The following ARHGAP42 variants were observed in gnomAD, a reference collection of about 807,000 sequenced individuals.
ARHGAP42 encodes the protein rho GTPase-activating protein 42.
In ARHGAP42, 63 loss-of-function variants were observed where a neutral mutation model predicts 125.0. That is an observed-to-expected ratio of 0.50 (90% CI 0.41 to 0.62). The LOEUF (loss-of-function observed/expected upper bound fraction) is 0.62. ARHGAP42 is among the 20% of genes least tolerant of loss of function. ARHGAP42 has a pLI of 0.00. For missense variants in ARHGAP42, 766 were observed against 1,024.2 expected, an observed-to-expected ratio of 0.75 and a Z score of 3.44; for synonymous variants, 339 against 351.0, an observed-to-expected ratio of 0.97 and a Z score of 0.38.
chr11:100,827,117 C>T (rs1439093292), intron 3 of ARHGAP42, among the ~76,000 whole-genome samples: 3 of 149,828 alleles, frequency 2.0e-5, no homozygotes, highest in Non-Finnish European at 3.0e-5. Flanking sequence ...GATTCTTCTG[C>T]CTCGGCCTCC....
intron 1 of ARHGAP42, among the ~76,000 whole-genome samples, chr11:100,728,710 TTGCGTATATATATATATA>T (rs1861902789): frequency 1.1e-5 from 1 of 88,626 alleles, no homozygotes. Context: ...ATGAATGACT[TTGCGTATATATATATATA>T]TATATATATA....
At chr11:100,890,279 A>T (rs547132053) in intron 4 of ARHGAP42, among the ~76,000 whole-genome samples, 28 of 152,282 alleles carry the variant, frequency 1.8e-4, no homozygotes, top group African/African-American at 6.0e-4. Context: ...TGACTCCCTC[A>T]AACTGTTCCA....
At chr11:100,965,024 A>G (rs1858054297) in intron 16 of ARHGAP42, among the ~76,000 whole-genome samples, 1 of 152,136 alleles carries the variant, frequency 6.6e-6, no homozygotes, top group South Asian at 2.1e-4. Context: ...CGGGAAACTT[A>G]CAATCATGGT....
At chr11:100,759,338 G>T (rs965621994) in intron 1 of ARHGAP42, among the ~76,000 whole-genome samples, 1 of 152,078 alleles carries the variant, frequency 6.6e-6, no homozygotes, top group East Asian at 1.9e-4. Context: ...ATAGCTAGGG[G>T]CAAGCCTGTG....
intron 1 of ARHGAP42, among the ~76,000 whole-genome samples, chr11:100,713,007 C>G (rs1334866647): frequency 6.6e-6 from 1 of 152,108 alleles, no homozygotes; most frequent in Non-Finnish European, 1.5e-5. Flanking sequence ...ATATACATAT[C>G]CAAGTCTGGG....
chr11:100,941,402 C>T (rs1800553583), intron 8 of ARHGAP42, among the ~76,000 whole-genome samples: 1 of 152,164 alleles, frequency 6.6e-6, no homozygotes, highest in Non-Finnish European at 1.5e-5. Flanking sequence ...CACTATATTT[C>T]TGACAGTTAT....
At chr11:100,875,093 CTCTCTCTCTCTCTCTG>C (rs1368984011) in intron 4 of ARHGAP42, among the ~76,000 whole-genome samples, 9 of 96,022 alleles carry the variant, frequency 9.4e-5, no homozygotes, top group Middle Eastern at 5.1e-3. Context: ...CTCTCTCTCT[CTCTCTCTCTCTCTCTG>C]TGTGTGTGTG....
rs1428296841 is a variant in ARHGAP42 at position 100,771,839 on chromosome 11, A to G, written c.250+1401A>G. ...GTGGTCTTGAACTCCTGACCTTGTG[A>G]TCCACCCGCCTTGGCCTCCCAAAGT... On this transcript the variant is annotated intron_variant, in intron 2 of 23. Coordinates refer to ENST00000298815, the MANE Select transcript of ARHGAP42 (RefSeq NM_152432.4). Among the ~76,000 whole-genome samples, 9 of 152,032 alleles carry G rather than the reference A, an allele frequency of 5.9e-5. No homozygotes were observed. In the East Asian group the frequency reaches 1.7e-3, roughly 29 times the overall value.
intron 2 of ARHGAP42, among the ~76,000 whole-genome samples, chr11:100,779,308 TGTG>T (rs1863209346): frequency 6.6e-6 from 1 of 150,890 alleles, no homozygotes; most frequent in South Asian, 2.1e-4. Flanking sequence ...TAGCTGGGCT[TGTG>T]GCACATGCCT....
At chr11:100,698,694 C>A (rs1038412185) in intron 1 of ARHGAP42, among the ~76,000 whole-genome samples, 8 of 151,986 alleles carry the variant, frequency 5.3e-5, no homozygotes, top group Non-Finnish European at 1.0e-4. Flanking sequence ...AAAAAAGGGT[C>A]ATTTTTAAAA....
At chr11:100,923,476 C>G (rs1414559291) in intron 6 of ARHGAP42, among the ~76,000 whole-genome samples, 1 of 151,134 alleles carries the variant, frequency 6.6e-6, no homozygotes, top group Non-Finnish European at 1.5e-5. Flanking sequence ...CCCTAAGTCT[C>G]TTTTATAGCC....
chr11:100,702,018 A>G (rs1037146145), intron 1 of ARHGAP42, among the ~76,000 whole-genome samples: 12 of 151,934 alleles, frequency 7.9e-5, no homozygotes, highest in African/African-American at 1.9e-4. Context: ...GGCATGGTAT[A>G]TTACACCTGT....
rs1490481214 is a variant in ARHGAP42, at chr11:100,990,410, A to G, written c.*1609A>G. On this transcript the variant is annotated 3_prime_UTR_variant, in exon 24 of 24. Transcript: ENST00000298815. The stretch of plus-strand genomic sequence containing the variant: ...ACACACACACAACTATGCCTCAGAA[A>G]AGTTAGGCTTTTACAAATAAAAAGA... 2.6e-5 allele frequency: 4 copies of G among 152,322 alleles called. No individual in the cohort carries two copies. The highest frequency in any genetic ancestry group is 9.6e-5 in the African/African-American group (4 of 41,580). The allele number at this position is 152,322 out of a possible 1,614,324, so 9.4% of individuals were successfully genotyped here.
At chr11:100,868,995 TA>T (rs1865639364) in intron 4 of ARHGAP42, among the ~76,000 whole-genome samples, 2 of 152,216 alleles carry the variant, frequency 1.3e-5, no homozygotes, top group South Asian at 4.1e-4. Context: ...AGTATCATTG[TA>T]AAAATGATGA....
chr11:100,762,030 G>T (rs567055976), intron 1 of ARHGAP42, among the ~76,000 whole-genome samples: 1 of 152,174 alleles, frequency 6.6e-6, no homozygotes, highest in Non-Finnish European at 1.5e-5. Flanking sequence ...TTGTGCAGAC[G>T]TAGTCTGTGA....
intron 3 of ARHGAP42, among the ~76,000 whole-genome samples, chr11:100,834,059 A>G (rs1864725164): frequency 6.6e-6 from 1 of 152,172 alleles, no homozygotes; most frequent in South Asian, 2.1e-4. Context: ...ATTGATTTCT[A>G]TATGGTAGGC....
At chr11:100,720,806 C>T (rs972399196) in intron 1 of ARHGAP42, among the ~76,000 whole-genome samples, 10 of 151,952 alleles carry the variant, frequency 6.6e-5, no homozygotes, top group Non-Finnish European at 1.5e-4. Context: ...AAAAATTTAA[C>T]TGTTTTTACC....
chr11:100,688,611 C>T (rs1293678692), intron 1 of ARHGAP42, among the ~76,000 whole-genome samples: 1 of 152,154 alleles, frequency 6.6e-6, no homozygotes, highest in East Asian at 1.9e-4. Context: ...CTTTCAATTC[C>T]TAAGACCTAA....
At chr11:100,910,619 G>A (rs76818985) in intron 4 of ARHGAP42, among the ~76,000 whole-genome samples, 7,888 of 143,038 alleles carry the variant, frequency 0.055, 410 homozygotes, top group East Asian at 0.25. Flanking sequence ...GAGACAAGAG[G>A]TAGCTATATG....
Sources: gnomAD v4.1 joint callset for allele counts (sites outside exome capture counted in the v4.1 genomes callset) on GRCh38, gnomAD v4.1.1 for gene constraint, MANE v1.5 for transcripts, NCBI Gene and HGNC (gene_info 2026-07-23, HGNC 2026-07-21) for gene names.